The following ITPR2 variants were observed in gnomAD, a reference collection of about 807,000 sequenced individuals.
The protein encoded by ITPR2 is inositol 1,4,5-trisphosphate receptor type 2.
In ITPR2, 207 loss-of-function variants were observed where a neutral mutation model predicts 317.1. The ratio of observed to expected loss-of-function variants is 0.65; its 90% CI spans 0.58 to 0.73. The LOEUF (loss-of-function observed/expected upper bound fraction) is 0.73, where lower values mean the gene tolerates loss of function less well. Among genes scored for constraint, ITPR2 ranks in the 30% least tolerant of loss-of-function variants. The pLI, the probability that ITPR2 is intolerant of heterozygous loss-of-function variation, is 0.00. For missense variants in ITPR2, 2,613 were observed against 3,284.0 expected, an observed-to-expected ratio of 0.80 and a Z score of 4.99; for synonymous variants, 1,156 against 1,149.1, an observed-to-expected ratio of 1.01 and a Z score of -0.12.
At chr12:26,707,107 C>T (rs552437915) in intron 9 of ITPR2, among the ~76,000 whole-genome samples, 8 of 152,226 alleles carry the variant, frequency 5.3e-5, no homozygotes, top group South Asian at 2.1e-4. Flanking sequence ...CTGATTGTGC[C>T]GCGCTGTCTT....
chr12:26,528,374 T>C (rs1275481307), intron 37 of ITPR2, among the ~76,000 whole-genome samples: 1 of 152,228 alleles, frequency 6.6e-6, no homozygotes, highest in East Asian at 1.9e-4. Context: ...AATGCACTTG[T>C]ATGTTTGAGG....
intron 10 of ITPR2, among the ~76,000 whole-genome samples, chr12:26,695,129 T>C (rs1948314754): frequency 6.6e-6 from 1 of 152,212 alleles, no homozygotes; most frequent in Non-Finnish European, 1.5e-5. Context: ...CCTAAGAAAA[T>C]TGAATTACAG....
intron 2 of ITPR2, among the ~76,000 whole-genome samples, chr12:26,727,016 G>A (rs1948940096): frequency 6.6e-6 from 1 of 151,962 alleles, no homozygotes; most frequent in African/African-American, 2.4e-5. Context: ...ATATCTCATA[G>A]GTAGTAGAAA....
chr12:26,411,393 A>G lies in ITPR2; in HGVS notation c.7326T>C (p.Thr2442=), dbSNP rs769894180. Residue 2442 remains threonine, a synonymous_variant, in exon 52 of 57, where the codon ACT becomes ACC. Transcript: ENST00000381340. The stretch of plus-strand genomic sequence containing the variant: ...CTTCCATCATGGTAGTTAAAGTCAT[A>G]GTAGGCACTTGATGACTGCCTAAGA... The part of the protein sequence containing the change: ...TPVTGSHQVP[T]MTLTTMMEAC... 2.5e-6 allele frequency: 4 copies of G among 1,612,630 alleles called. No homozygotes were observed. The highest frequency in any genetic ancestry group is 3.4e-6 in the Non-Finnish European group (4 of 1,178,834).
Position 26,455,657 on chromosome 12 carries a change from G to A in ITPR2, c.6343-12007C>T, listed in dbSNP as rs572470296. On this transcript the variant is annotated intron_variant, in intron 45 of 56. Coordinates refer to ENST00000381340, the MANE Select transcript of ITPR2 (RefSeq NM_002223.4). ...TTGCAAATGAAAAGACAAAGAGAGG[G>A]CATGAAAAGTAAGGAGAGGAAGGGA... is the stretch of plus-strand genomic sequence containing the variant. Among the ~76,000 whole-genome samples, 4 of 152,224 alleles carry A rather than the reference G, an allele frequency of 2.6e-5. No individual in the cohort carries two copies. The East Asian group carries it at 7.7e-4, about 29-fold the overall frequency.
chr12:26,715,410 C>A lies in ITPR2; in HGVS notation c.744G>T (p.Glu248Asp). 1 of 1,613,554 alleles carries A rather than the reference C, an allele frequency of 6.2e-7. No individual in the cohort carries two copies. ...DVVRLFHAEQ[E>D]KFLTCDEYEK... ...CATATTCATCACAAGTCAAAAACTT[C>A]TCTTGTTCCGCATGAAATAATCTAA... The change falls in exon 8 of 57, where the codon GAG (glutamate) becomes GAT (aspartate). Residue 248 changes from glutamate to aspartate, a missense_variant. Coordinates refer to ENST00000381340, the MANE Select transcript of ITPR2 (RefSeq NM_002223.4).
chr12:26,627,997 A>T, intron 23 of ITPR2, 36 bp downstream of exon 23: 2 of 1,544,150 alleles, frequency 1.3e-6, no homozygotes, highest in African/African-American at 2.8e-5. Context: ...TCAGAAAAAT[A>T]AAATAAAAAG....
intron 13 of ITPR2, among the ~76,000 whole-genome samples, chr12:26,669,044 G>A (rs1049894860): frequency 2.6e-5 from 4 of 152,228 alleles, no homozygotes; most frequent in Admixed American, 6.5e-5. Context: ...GCTGAAACCT[G>A]GGAGGTCAAG....
At chr12:26,366,609 C>G (rs1939019662) in intron 55 of ITPR2, among the ~76,000 whole-genome samples, 1 of 152,126 alleles carries the variant, frequency 6.6e-6, no homozygotes, top group African/African-American at 2.4e-5. Context: ...TACTCCTCTT[C>G]CCGTTGTAAA....
At chr12:26,568,008 ATAT>A (rs1945049386) in intron 34 of ITPR2, among the ~76,000 whole-genome samples, 19 of 5,494 alleles carry the variant, frequency 3.5e-3, no homozygotes, top group Non-Finnish European at 0.013. Context: ...TATATATATT[ATAT>A]ATATATATAT....
At chr12:26,627,002 C>G (rs1280854826) in intron 23 of ITPR2, among the ~76,000 whole-genome samples, 3 of 152,064 alleles carry the variant, frequency 2.0e-5, no homozygotes, top group African/African-American at 7.2e-5. Flanking sequence ...AAAGTTCTTT[C>G]AATAGTCACA....
intron 52 of ITPR2, among the ~76,000 whole-genome samples, chr12:26,407,827 A>T (rs1940403580): frequency 6.6e-6 from 1 of 152,180 alleles, no homozygotes; most frequent in Non-Finnish European, 1.5e-5. Flanking sequence ...GTATCTATCT[A>T]TCTCACAGGG....
rs1165676758 is a variant in ITPR2, at chr12:26,495,265, TA to T, written c.5074-6del. ...TATCTTTCTTAATGTGTTACCCTAA[TA>T]AGAAGGATAACAAAGAGTTACTGTT... On this transcript the variant is annotated splice_polypyrimidine_tract_variant and splice_region_variant and intron_variant, in intron 37 of 56. Transcript: ENST00000381340. 6.9e-7 allele frequency: 1 copy of T among 1,443,880 alleles called. No individual in the cohort carries two copies. The highest frequency in any genetic ancestry group is 1.8e-5 in the Admixed American group (1 of 56,758). The allele number at this position is 1,443,880 out of a possible 1,614,324, so 89.4% of individuals were successfully genotyped here.
chr12:26,601,914 G>A (rs1016917575), intron 28 of ITPR2, among the ~76,000 whole-genome samples: 2 of 152,172 alleles, frequency 1.3e-5, no homozygotes, highest in African/African-American at 4.8e-5. Flanking sequence ...TGCCAAAGAT[G>A]CCTAACTGTA....
At chr12:26,673,836 C>A (rs11048638) in intron 13 of ITPR2, among the ~76,000 whole-genome samples, 26,225 of 111,472 alleles carry the variant, frequency 0.24, 1,655 homozygotes, top group Non-Finnish European at 0.29. Context: ...TGATAAGCAA[C>A]TTCAGCAAAG....
chr12:26,493,941 G>A (rs1942870219), intron 39 of ITPR2: 1 of 423,226 alleles, frequency 2.4e-6, no homozygotes, highest in Non-Finnish European at 4.1e-6. Context: ...TCAGAAGGAA[G>A]TTTCAGAGGA....
intron 1 of ITPR2, among the ~76,000 whole-genome samples, chr12:26,819,490 C>T (rs979241999): frequency 2.2e-4 from 33 of 152,016 alleles, no homozygotes; most frequent in Non-Finnish European, 2.5e-4. Context: ...TGTCATATGC[C>T]CTATTCTATC....
intron 8 of ITPR2, among the ~76,000 whole-genome samples, chr12:26,714,959 C>T (rs1948710429): frequency 6.6e-6 from 1 of 152,048 alleles, no homozygotes; most frequent in Non-Finnish European, 1.5e-5. Flanking sequence ...GACTCCAGTG[C>T]CATTTGAGTC....
intron 55 of ITPR2, among the ~76,000 whole-genome samples, chr12:26,346,576 T>TAA (rs1435082854): frequency 1.3e-5 from 2 of 151,056 alleles, no homozygotes; most frequent in East Asian, 3.9e-4. Flanking sequence ...TGAGCTGAGA[T>TAA]CATTAACACA....
Sources: gnomAD v4.1 joint callset for allele counts (sites outside exome capture counted in the v4.1 genomes callset) on GRCh38, gnomAD v4.1.1 for gene constraint, MANE v1.5 for transcripts, NCBI Gene and HGNC (gene_info 2026-07-23, HGNC 2026-07-21) for gene names.